TRIM62: variants seen among roughly 807,000 people sequenced by gnomAD.
The protein encoded by TRIM62 is E3 ubiquitin-protein ligase TRIM62.
TRIM62 carries 39 observed loss-of-function variants against 44.2 expected under a neutral mutation model. That is an observed-to-expected ratio of 0.88 (90% CI 0.68 to 1.15). The LOEUF is 1.15. Ranked by LOEUF, TRIM62 falls within the 50% of genes most tolerant of loss-of-function variation. TRIM62 has a pLI of 0.00. For synonymous variants in TRIM62, 278 were observed against 292.3 expected (o/e 0.95, Z 0.50); for missense variants, 544 against 665.5 (o/e 0.82, Z 2.01).
In TRIM62 at chr1:33,165,393, CT is replaced by C; in HGVS notation, c.504+77del. On this transcript the variant is annotated intron_variant, in intron 2 of 4. Transcript: ENST00000291416. The surrounding 1 kb of genome is among the most constrained non-coding windows in gnomAD (Gnocchi z 4.0). ...ACCGCACACCCGAGGCCCCGCCCCT[CT>C]TCCCCAGCTGGCCCCGCCCCTCGAA... 7.4e-7 allele frequency: 1 copy of C among 1,355,430 alleles called. No individual in the cohort carries two copies. Among genetic ancestry groups the C allele is most frequent in the Non-Finnish European group, 1.0e-6 (1 of 995,066 alleles). The allele number at this position is 1,355,430 out of a possible 1,614,324, so 84.0% of individuals were successfully genotyped here.
In TRIM62 at chr1:33,165,961, G is replaced by A. The variant is rs543202685; in HGVS notation, c.409-395C>T. On this transcript the variant is annotated intron_variant, in intron 1 of 4. Coordinates refer to ENST00000291416, the MANE Select transcript of TRIM62 (RefSeq NM_018207.3). The surrounding 1 kb of genome is among the most constrained non-coding windows in gnomAD (Gnocchi z 4.0). ...TGTTAGGAACCTGGACGCACAGCAGGAGATGAACAGTGGTGGGGAGGGGCA... is the reference window on the plus strand; with the variant it reads ...TGTTAGGAACCTGGACGCACAGCAGAAGATGAACAGTGGTGGGGAGGGGCA... 7.6e-4 allele frequency: 121 copies of A among 158,196 alleles called. No homozygotes were observed. Among genetic ancestry groups the A allele is most frequent in the Non-Finnish European group, 1.5e-3 (106 of 72,070 alleles). 9.8% of individuals were successfully genotyped at this position (158,196 alleles called of 1,614,324 possible). A position where few individuals can be genotyped will look rare whatever the true frequency, so the allele number is the denominator to read the frequency against.
chr1:33,159,570 T>G lies in TRIM62; in HGVS notation c.761+118A>C. ...TAGCAGATGTCCCGTAAATGTTTGA[T>G]GAAGATTTGAATGAAAGAATTCTCT... On this transcript the variant is annotated intron_variant, in intron 3 of 4. Coordinates refer to ENST00000291416, the MANE Select transcript of TRIM62 (RefSeq NM_018207.3). This position sits in a 1 kb window ranked among gnomAD's most constrained non-coding sequence, Gnocchi z 4.2. 5 of 1,383,164 alleles carry G rather than the reference T, an allele frequency of 3.6e-6. No homozygotes were observed. The highest frequency in any genetic ancestry group is 4.8e-6 in the Non-Finnish European group (5 of 1,044,350). 85.7% of individuals were successfully genotyped at this position (1,383,164 alleles called of 1,614,324 possible).
rs1431575904 is a variant in TRIM62, at chr1:33,177,989, C to T, written c.408+3036G>A. 6.6e-6 allele frequency among the ~76,000 whole-genome samples: 1 copy of T among 152,154 alleles called. No homozygotes were observed. The highest frequency in any genetic ancestry group is 2.4e-5 in the African/African-American group (1 of 41,414). On this transcript the variant is annotated intron_variant, in intron 1 of 4. Coordinates refer to ENST00000291416, the MANE Select transcript of TRIM62 (RefSeq NM_018207.3). The surrounding 1 kb of genome is among the most constrained non-coding windows in gnomAD (Gnocchi z 4.1). ...AATGGTAGAGCCAGGATTGAGATTA[C>T]CTGGGTACAAAGCAGGGCTCTTAAT... is the stretch of plus-strand genomic sequence containing the variant.
rs1449208393 is a variant in TRIM62 at position 33,161,067 on chromosome 1, T to G, written c.505-1123A>C. ...TCAGTTGCCTAAGAGCTGTGAACCT[T>G]AGTTTTCTTATCTGTGAAAGGAGTA... On this transcript the variant is annotated intron_variant, in intron 2 of 4. Coordinates refer to ENST00000291416, the MANE Select transcript of TRIM62 (RefSeq NM_018207.3). This position sits in a 1 kb window ranked among gnomAD's most constrained non-coding sequence, Gnocchi z 4.3. Among the ~76,000 whole-genome samples the G allele has an allele frequency of 2.0e-5, 3 of 152,270 alleles. No homozygotes were observed. Among genetic ancestry groups the G allele is most frequent in the Non-Finnish European group, 4.4e-5 (3 of 68,040 alleles).
chr1:33,180,828 C>T (rs2147993727), intron 1 of TRIM62, among the ~76,000 whole-genome samples, 197 bp downstream of exon 1: 1 of 151,856 alleles, frequency 6.6e-6, no homozygotes, highest in South Asian at 2.1e-4. Context: ...AGGCCCCGCC[C>T]CCACGGCCCC....
rs1645338997 is a variant in TRIM62 at position 33,167,494 on chromosome 1, G to A, written c.409-1928C>T. Among the ~76,000 whole-genome samples, 7 of 152,304 alleles carry A rather than the reference G, an allele frequency of 4.6e-5. No homozygotes were observed. The South Asian group carries it at 1.5e-3, about 32-fold the overall frequency. ...ATTATCGCCAGTTGTTCTCCTGTCT[G>A]TCTCTTCTTCGTCCCCGTATTGGCC... On this transcript the variant is annotated intron_variant, in intron 1 of 4. Coordinates refer to ENST00000291416, the MANE Select transcript of TRIM62 (RefSeq NM_018207.3). This position sits in a 1 kb window ranked among gnomAD's most constrained non-coding sequence, Gnocchi z 4.2.
At chr1:33,153,817 C>A (rs1374602792) in intron 4 of TRIM62, among the ~76,000 whole-genome samples, 1 of 152,226 alleles carries the variant, frequency 6.6e-6, no homozygotes, top group Non-Finnish European at 1.5e-5. Flanking sequence ...AGAACTGAGA[C>A]TAGGATCCAT....
At position 33,147,110 on chromosome 1, in the gene TRIM62, T is replaced by C. The variant is rs1645029919; in HGVS notation, c.*67A>G. 1 of 1,550,522 alleles carries C rather than the reference T, an allele frequency of 6.4e-7. No homozygotes were observed. On this transcript the variant is annotated 3_prime_UTR_variant, in exon 5 of 5. Transcript: ENST00000291416. This position sits in a 1 kb window ranked among gnomAD's most constrained non-coding sequence, Gnocchi z 8.1. ...ACGGTGGGCTGGAGTCCAGGTCTTC[T>C]ATCTCCTGGGCAGGGCTCTTGCAGG...
At chr1:33,175,753 A>T (rs1414755820) in intron 1 of TRIM62, among the ~76,000 whole-genome samples, 1 of 152,058 alleles carries the variant, frequency 6.6e-6, no homozygotes, top group African/African-American at 2.4e-5. Context: ...CTCAGGGAGT[A>T]GGGAACGAAA....
chr1:33,172,549 G>A (rs1385978091), intron 1 of TRIM62, among the ~76,000 whole-genome samples: 8 of 152,080 alleles, frequency 5.3e-5, no homozygotes, highest in Non-Finnish European at 7.4e-5. Flanking sequence ...CCATCGGAGC[G>A]GGGGTGGGCC....
chr1:33,146,956 G>C lies in TRIM62; in HGVS notation c.*221C>G, dbSNP rs919292083. The C allele has an allele frequency of 3.7e-5, 22 of 590,420 alleles. No homozygotes were observed. In the African/African-American group the frequency reaches 4.1e-4, roughly 11 times the overall value. The allele number at this position is 590,420 out of a possible 1,614,324, so 36.6% of individuals were successfully genotyped here. A position where few individuals can be genotyped will look rare whatever the true frequency, so the allele number is the denominator to read the frequency against. The stretch of plus-strand genomic sequence containing the variant: ...CATGTCACATCCTTGGATCAAAGCT[G>C]TATCCCTATCAAGGTCAGAGCTACA... On this transcript the variant is annotated 3_prime_UTR_variant, in exon 5 of 5. Coordinates refer to ENST00000291416, the MANE Select transcript of TRIM62 (RefSeq NM_018207.3).
chr1:33,145,555 G>T lies in TRIM62; in HGVS notation c.*1622C>A, dbSNP rs1229268946. 5.8e-6 allele frequency: 1 copy of T among 173,250 alleles called. No individual in the cohort carries two copies. Among genetic ancestry groups the T allele is most frequent in the Non-Finnish European group, 1.2e-5 (1 of 80,578 alleles). The allele number at this position is 173,250 out of a possible 1,614,324, so 10.7% of individuals were successfully genotyped here. On this transcript the variant is annotated 3_prime_UTR_variant, in exon 5 of 5. Transcript: ENST00000291416. ...CTTTTGCCCAAGGGAGGCCCGGGTG[G>T]CGGGGGCAGCCATTTTAAGAACCCC...
intron 1 of TRIM62, chr1:33,176,497 AG>A: frequency 2.9e-6 from 2 of 679,842 alleles, no homozygotes; most frequent in Non-Finnish European, 5.4e-6. Context: ...TGAGGCCTGG[AG>A]GGGGCGGCTG....
In TRIM62 at chr1:33,181,424, G is replaced by A. The variant is rs372775558; in HGVS notation, c.9C>T (p.Cys3=). MA[C]SLKDELLCSI... ...AGCACAGCAGCTCGTCCTTGAGGCT[G>A]CACGCCATGGCGCCAGGGGCAGCAG... The change falls in exon 1 of 5, where the codon TGC becomes TGT. Residue 3 remains cysteine, a synonymous_variant. Transcript: ENST00000291416. This position sits in a 1 kb window ranked among gnomAD's most constrained non-coding sequence, Gnocchi z 6.5. 3 of 1,595,226 alleles carry A rather than the reference G, an allele frequency of 1.9e-6. No homozygotes were observed. The highest frequency in any genetic ancestry group is 2.2e-5 in the South Asian group (2 of 89,134).
At position 33,179,563 on chromosome 1, in the gene TRIM62, C is replaced by A. The variant is rs569404448; in HGVS notation, c.408+1462G>T. Among the ~76,000 whole-genome samples the A allele has an allele frequency of 1.8e-3, 269 of 152,326 alleles. 2 individuals carry two copies. The highest frequency in any genetic ancestry group is 6.1e-3 in the African/African-American group (255 of 41,568). ...AAATGTTTGAGCCAAAAACCTTCTG[C>A]TTCCAAACGCTCCACAGTGTGGTCC... is the stretch of plus-strand genomic sequence containing the variant. On this transcript the variant is annotated intron_variant, in intron 1 of 4. Coordinates refer to ENST00000291416, the MANE Select transcript of TRIM62 (RefSeq NM_018207.3).
chr1:33,166,080 G>C (rs1472871668), intron 1 of TRIM62: 1 of 152,444 alleles, frequency 6.6e-6, no homozygotes. Context: ...TCTCACAGGA[G>C]TGTGAACTGC....
chr1:33,152,422 C>T lies in TRIM62; in HGVS notation c.878-4695G>A, dbSNP rs562892124. Among the ~76,000 whole-genome samples, 4 of 152,228 alleles carry T rather than the reference C, an allele frequency of 2.6e-5. No individual in the cohort carries two copies. In the East Asian group the frequency reaches 7.7e-4, roughly 29 times the overall value. On this transcript the variant is annotated intron_variant, in intron 4 of 4. Transcript: ENST00000291416. The stretch of plus-strand genomic sequence containing the variant: ...CTCTACTAAAAATACAAAAAATTAG[C>T]GGCGCATGGTGGCACATGCCTGTAA...
Position 33,147,536 on chromosome 1 carries a change from CCACCACCTCCCAGTAGTGGA to C in TRIM62, c.1049_1068del (p.Val350GlyfsTer52). On this transcript the variant is annotated frameshift_variant, in exon 5 of 5. Coordinates refer to ENST00000291416, the MANE Select transcript of TRIM62 (RefSeq NM_018207.3). LOFTEE classifies it high-confidence loss of function. The surrounding 1 kb of genome is among the most constrained non-coding windows in gnomAD (Gnocchi z 8.1). ...ATCACCCACTGGGTCTTCTCCGCCA[CCACCACCTCCCAGTAGTGGA>C]CGCCACTACTGAAGGCTTCAGAACC... 3 of 1,613,970 alleles carry C rather than the reference CCACCACCTCCCAGTAGTGGA, an allele frequency of 1.9e-6. No individual in the cohort carries two copies.
intron 4 of TRIM62, among the ~76,000 whole-genome samples, chr1:33,149,458 TA>T (rs71278764): frequency 5.9e-4 from 87 of 146,416 alleles, no homozygotes; most frequent in East Asian, 1.0e-3. Flanking sequence ...TGGATTCTTT[TA>T]AAAAAAAAAA....
Sources: allele counts gnomAD v4.1 joint callset (sites outside exome capture counted in the v4.1 genomes callset), GRCh38; gene constraint gnomAD v4.1.1; non-coding constraint Gnocchi (gnomAD v3.1); transcripts MANE v1.5; gene names NCBI Gene and HGNC (gene_info 2026-07-23, HGNC 2026-07-21).